Variants in MICALL1 observed in about 807,000 individuals in gnomAD.
The protein encoded by MICALL1 is MICAL-like protein 1.
In MICALL1, 61 loss-of-function variants were observed where a neutral mutation model predicts 83.7. That is an observed-to-expected ratio of 0.73 (90% CI 0.59 to 0.90). MICALL1 has a LOEUF of 0.90. MICALL1 is among the 40% of genes least tolerant of loss of function. The pLI, the probability that MICALL1 is intolerant of heterozygous loss-of-function variation, is 0.00. For synonymous variants in MICALL1, 481 were observed against 473.6 expected (o/e 1.02, Z -0.20); for missense variants, 1,066 against 1,152.0 (o/e 0.93, Z 1.08).
Position 37,921,964 on chromosome 22 carries a change from C to G in MICALL1, c.570-8C>G. The G allele has an allele frequency of 6.4e-7, 1 of 1,556,428 alleles. No individual in the cohort carries two copies. Among genetic ancestry groups the G allele is most frequent in the South Asian group, 1.2e-5 (1 of 81,838 alleles). ...GGCTAAGTGAACCCCTGTCCTGTCCCCTGCCAGGTGTCGGCGGTGCTCCAG... is the reference window on the plus strand; with the variant it reads ...GGCTAAGTGAACCCCTGTCCTGTCCGCTGCCAGGTGTCGGCGGTGCTCCAG... On this transcript the variant is annotated splice_region_variant and splice_polypyrimidine_tract_variant and intron_variant, in intron 5 of 15. Transcript: ENST00000215957.
In MICALL1 at chr22:37,924,563, C is replaced by T. The variant is rs1929298890; in HGVS notation, c.1025-97C>T. 14 of 1,216,396 alleles carry T rather than the reference C, an allele frequency of 1.2e-5. No individual in the cohort carries two copies. Among genetic ancestry groups the T allele is most frequent in the Admixed American group, 3.9e-5 (2 of 51,368 alleles). The allele number at this position is 1,216,396 out of a possible 1,614,324, so 75.4% of individuals were successfully genotyped here. Reference sequence around the variant, plus strand: ...AGGTGCGAGGGTGCCAGGAGGAAGGCGGGGCGCTCCTGGGGAGGCAGGTGC... The same window carrying T: ...AGGTGCGAGGGTGCCAGGAGGAAGGTGGGGCGCTCCTGGGGAGGCAGGTGC... On this transcript the variant is annotated intron_variant, in intron 6 of 15. Transcript: ENST00000215957. This position sits in a 1 kb window ranked among gnomAD's most constrained non-coding sequence, Gnocchi z 5.2.
chr22:37,912,316 G>T, intron 2 of MICALL1, 35 bp from the exon 3 acceptor site: 1 of 1,575,122 alleles, frequency 6.3e-7, no homozygotes, highest in South Asian at 1.1e-5. Flanking sequence ...TTCCTGCTTC[G>T]GCTGCTCCCG....
rs549929477 is a variant in MICALL1, at chr22:37,927,834, C to T, written c.1881+8C>T. ...CCACAGCTGCAGGTAAAGGTGAGTG[C>T]CCCCTCACCCTCACTAAAAGTGACA... On this transcript the variant is annotated splice_region_variant and intron_variant, in intron 9 of 15. Transcript: ENST00000215957. 6.3e-7 allele frequency: 1 copy of T among 1,589,544 alleles called. No homozygotes were observed. Among genetic ancestry groups the T allele is most frequent in the African/African-American group, 1.3e-5 (1 of 74,426 alleles).
At position 37,906,798 on chromosome 22, in the gene MICALL1, C is replaced by A; in HGVS notation, c.146+230C>A. On this transcript the variant is annotated intron_variant, in intron 1 of 15. Transcript: ENST00000215957. The surrounding 1 kb of genome is among the most constrained non-coding windows in gnomAD (Gnocchi z 4.4). ...CCGCCCGTGGGATCCCGAACTCTCC[C>A]CCGAGGCTGGTCCCTCCGCGGGGAC... The A allele has an allele frequency of 4.8e-6, 1 of 210,394 alleles. No homozygotes were observed. The highest frequency in any genetic ancestry group is 2.3e-5 in the African/African-American group (1 of 43,124). The allele number at this position is 210,394 out of a possible 1,614,324, so 13.0% of individuals were successfully genotyped here.
chr22:37,912,102 C>A, intron 2 of MICALL1, 102 bp downstream of exon 2: 1 of 1,377,042 alleles, frequency 7.3e-7, no homozygotes, highest in Non-Finnish European at 1.0e-6. Context: ...GGTGGCTGCC[C>A]TTGTACACCG....
At position 37,932,588 on chromosome 22, in the gene MICALL1, C is replaced by T. The variant is rs766729313; in HGVS notation, c.2052C>T (p.Ile684=). Residue 684 remains isoleucine (I), a synonymous_variant, in exon 11 of 16, where the codon ATC becomes ATT. Transcript: ENST00000215957. The surrounding 1 kb of genome is among the most constrained non-coding windows in gnomAD (Gnocchi z 4.4). ...ACCAGTACATCCCTGAGGAGGACAT[C>T]CATGGAGAGATGGATACCATTGAGC... ...QADQYIPEED[I]HGEMDTIERR... 1 of 1,614,166 alleles carries T rather than the reference C, an allele frequency of 6.2e-7. No homozygotes were observed. Among genetic ancestry groups the T allele is most frequent in the South Asian group, 1.1e-5 (1 of 91,088 alleles).
intron 1 of MICALL1, among the ~76,000 whole-genome samples, chr22:37,909,345 T>A (rs1269772131): frequency 7.6e-5 from 11 of 144,298 alleles, no homozygotes; most frequent in Non-Finnish European, 1.2e-4. Flanking sequence ...TGAGCCACCA[T>A]GCCTGGCCGA....
Position 37,922,144 on chromosome 22 carries a change from G to T in MICALL1, c.742G>T (p.Asp248Tyr), listed in dbSNP as rs1929075924. The T allele has an allele frequency of 6.2e-7, 1 of 1,613,300 alleles. No individual in the cohort carries two copies. The change falls in exon 6 of 16, where the codon GAT becomes TAT. Residue 248 changes from aspartate (D) to tyrosine (Y), a missense_variant. Asp to Tyr is a radical substitution (Grantham distance 160). Coordinates refer to ENST00000215957, the MANE Select transcript of MICALL1 (RefSeq NM_033386.4). ...KQQHQQQLAE[D>Y]AKDVPGGGPS... ...GCAGCACCAGCAGCAACTCGCAGAA[G>T]ATGCCAAGGATGTTCCAGGAGGCGG...
intron 14 of MICALL1, 96 bp from the exon 15 acceptor site, chr22:37,937,650 C>G: frequency 7.7e-7 from 1 of 1,302,484 alleles, no homozygotes; most frequent in Non-Finnish European, 1.1e-6. Flanking sequence ...TCTCGAACTC[C>G]TGACTTCAGG....
chr22:37,936,993 G>C, intron 13 of MICALL1, 87 bp from the exon 14 acceptor site: 1 of 1,114,178 alleles, frequency 9.0e-7, no homozygotes, highest in Non-Finnish European at 1.3e-6. Flanking sequence ...GGGCTGGCCT[G>C]CCGCACTTAG....
At chr22:37,938,116 T>TG (rs1268592845) in intron 15 of MICALL1, among the ~76,000 whole-genome samples, 1 of 152,048 alleles carries the variant, frequency 6.6e-6, no homozygotes, top group East Asian at 1.9e-4. Context: ...CTGGTTTTGT[T>TG]GGAGTCCGTG....
chr22:37,925,010 A>C (rs1230806714), intron 7 of MICALL1, among the ~76,000 whole-genome samples: 2 of 152,118 alleles, frequency 1.3e-5, no homozygotes, highest in Non-Finnish European at 2.9e-5. Flanking sequence ...TGGGAGGCCG[A>C]GGCTTGATTA....
intron 5 of MICALL1, among the ~76,000 whole-genome samples, chr22:37,921,693 T>G (rs537839709): frequency 6.6e-6 from 1 of 152,376 alleles, no homozygotes; most frequent in African/African-American, 2.4e-5. Context: ...ATGCCACCTC[T>G]CAGGGGGACC....
intron 13 of MICALL1, among the ~76,000 whole-genome samples, chr22:37,935,949 G>A (rs971159435): frequency 2.0e-5 from 3 of 151,680 alleles, no homozygotes; most frequent in Admixed American, 1.3e-4. Context: ...GGCTGGTCTC[G>A]AACTCCTGAC....
rs1929385103 is a variant in MICALL1, at chr22:37,925,737, C to A, written c.1159C>A (p.Pro387Thr). 1.2e-6 allele frequency: 2 copies of A among 1,612,296 alleles called. No homozygotes were observed. Among genetic ancestry groups the A allele is most frequent in the Non-Finnish European group, 1.7e-6 (2 of 1,179,784 alleles). ...ACCAAAGAAGAAGCCAGCCCCACTT[C>A]CCCCAAGCAGCAGCCCGGGGCCACC... ...AEPKKKPAPL[P>T]PSSSPGPPSQ... Residue 387 changes from proline (P) to threonine (T), a missense_variant, in exon 8 of 16, where the codon CCC becomes ACC. Coordinates refer to ENST00000215957, the MANE Select transcript of MICALL1 (RefSeq NM_033386.4).
chr22:37,912,119 G>A, intron 2 of MICALL1, 119 bp downstream of exon 2: 1 of 1,274,240 alleles, frequency 7.8e-7, no homozygotes. Flanking sequence ...ACCGGCCCTG[G>A]CTGCACCTTT....
At chr22:37,911,830 G>A (rs1928339857) in intron 1 of MICALL1, 122 bp from the exon 2 acceptor site, 7 of 931,690 alleles carry the variant, frequency 7.5e-6, no homozygotes, top group East Asian at 2.4e-5. Context: ...CAGCAACCCT[G>A]CTGAGGTTGA....
intron 4 of MICALL1, 99 bp downstream of exon 4, chr22:37,917,894 C>A: frequency 9.3e-7 from 1 of 1,074,554 alleles, no homozygotes; most frequent in Non-Finnish European, 1.4e-6. Context: ...AGGAAGTTAG[C>A]CCTGACAGTG....
rs1455202832 is a variant in MICALL1, at chr22:37,906,796, C to T, written c.146+228C>T. ...CCCCGCCCGTGGGATCCCGAACTCTCCCCCGAGGCTGGTCCCTCCGCGGGG... is the reference window on the plus strand; with the variant it reads ...CCCCGCCCGTGGGATCCCGAACTCTTCCCCGAGGCTGGTCCCTCCGCGGGG... On this transcript the variant is annotated intron_variant, in intron 1 of 15. Coordinates refer to ENST00000215957, the MANE Select transcript of MICALL1 (RefSeq NM_033386.4). The surrounding 1 kb of genome is among the most constrained non-coding windows in gnomAD (Gnocchi z 4.4). 4.7e-6 allele frequency: 1 copy of T among 211,598 alleles called. No homozygotes were observed. 13.1% of individuals were successfully genotyped at this position (211,598 alleles called of 1,614,324 possible). A position where few individuals can be genotyped will look rare whatever the true frequency, so the allele number is the denominator to read the frequency against.
Sources: gnomAD v4.1 joint callset for allele counts (sites outside exome capture counted in the v4.1 genomes callset) on GRCh38, gnomAD v4.1.1 for gene constraint, Gnocchi (gnomAD v3.1) non-coding constraint, MANE v1.5 for transcripts, NCBI Gene and HGNC (gene_info 2026-07-23, HGNC 2026-07-21) for gene names.